DRAM2: variants seen among roughly 807,000 people sequenced by gnomAD.
DRAM2 encodes the protein DNA damage-regulated autophagy modulator protein 2.
In DRAM2, 26 loss-of-function variants were observed where a neutral mutation model predicts 33.5. The ratio of observed to expected loss-of-function variants is 0.78; its 90% CI spans 0.57 to 1.08. DRAM2 has a LOEUF of 1.08. Ranked by LOEUF, DRAM2 falls within the 50% of genes least tolerant of loss-of-function variation. DRAM2 has a pLI of 0.00. For synonymous variants in DRAM2, 98 were observed against 109.5 expected (o/e 0.89, Z 0.66); for missense variants, 311 against 318.1 (o/e 0.98, Z 0.17).
chr1:111,117,900 T>G lies in DRAM2; in HGVS notation c.*260A>C, dbSNP rs921246352. The G allele has an allele frequency of 2.2e-6, 1 of 449,052 alleles. No homozygotes were observed. The highest frequency in any genetic ancestry group is 2.0e-5 in the African/African-American group (1 of 49,448). 27.8% of individuals were successfully genotyped at this position (449,052 alleles called of 1,614,324 possible). A position where few individuals can be genotyped will look rare whatever the true frequency, so the allele number is the denominator to read the frequency against. The stretch of plus-strand genomic sequence containing the variant: ...TTCTCTTAAATAAGGTATAAAAAAC[T>G]ATGATATCATAGTCTTTTGACTTTA... On this transcript the variant is annotated 3_prime_UTR_variant, in exon 10 of 10. Transcript: ENST00000484310.
chr1:111,133,447 G>A (rs1396010932), intron 3 of DRAM2, among the ~76,000 whole-genome samples: 1 of 152,072 alleles, frequency 6.6e-6, no homozygotes, highest in Non-Finnish European at 1.5e-5. Context: ...CAAAGTGCTG[G>A]GATTATAGGC....
At chr1:111,129,892 T>C (rs1386494706) in intron 4 of DRAM2, among the ~76,000 whole-genome samples, 1 of 152,144 alleles carries the variant, frequency 6.6e-6, no homozygotes, top group African/African-American at 2.4e-5. Context: ...AACCAAACTC[T>C]GGAAGGAAAT....
chr1:111,122,871 T>A (rs759997353), intron 6 of DRAM2, among the ~76,000 whole-genome samples: 6 of 152,056 alleles, frequency 3.9e-5, no homozygotes, highest in Admixed American at 3.3e-4. Flanking sequence ...ATAAGTACTC[T>A]TGTGAAGGTA....
intron 8 of DRAM2, among the ~76,000 whole-genome samples, chr1:111,119,292 T>C (rs1649513131): frequency 6.6e-6 from 1 of 152,014 alleles, no homozygotes; most frequent in African/African-American, 2.4e-5. Context: ...TGGGTTACAA[T>C]TGGGAAAATC....
intron 3 of DRAM2, among the ~76,000 whole-genome samples, chr1:111,136,425 C>T (rs1459924186): frequency 6.6e-6 from 1 of 151,832 alleles, no homozygotes; most frequent in Non-Finnish European, 1.5e-5. Context: ...ATTAGCCAGG[C>T]ATGGTGGCGT....
chr1:111,128,901 T>C (rs957838953), intron 4 of DRAM2, among the ~76,000 whole-genome samples: 2 of 152,214 alleles, frequency 1.3e-5, no homozygotes, highest in Non-Finnish European at 2.9e-5. Flanking sequence ...GAATCTTAAA[T>C]ATGTACCTTC....
intron 7 of DRAM2, 126 bp from the exon 8 acceptor site, chr1:111,120,085 A>G (rs1649681061): frequency 1.3e-6 from 1 of 793,588 alleles, no homozygotes; most frequent in Non-Finnish European, 2.0e-6. Context: ...TAAAGACTTA[A>G]TGTTACACAG....
intron 4 of DRAM2, 90 bp from the exon 5 acceptor site, chr1:111,126,384 C>A: frequency 2.7e-6 from 2 of 727,988 alleles, no homozygotes; most frequent in South Asian, 3.5e-5. Flanking sequence ...GGAGTTAATT[C>A]AAACCTCTTA....
chr1:111,137,109 C>T (rs1011974141), intron 3 of DRAM2, among the ~76,000 whole-genome samples: 13 of 151,842 alleles, frequency 8.6e-5, no homozygotes, highest in Non-Finnish European at 1.5e-4. Context: ...AAAAATTAGC[C>T]GGGCGAGGTG....
Position 111,119,690 on chromosome 1 carries a change from C to G in DRAM2, c.600+187G>C, listed in dbSNP as rs1049396669. On this transcript the variant is annotated intron_variant, in intron 8 of 9. Coordinates refer to ENST00000484310, the MANE Select transcript of DRAM2 (RefSeq NM_001349884.2). ...TCATATTTTGACAATATCTACAGAT[C>G]ACAGGTGACAGGAGAATATGGAAGG... 1.2e-5 allele frequency: 7 copies of G among 575,710 alleles called. No individual in the cohort carries two copies. In the South Asian group the frequency reaches 1.4e-4, roughly 11 times the overall value. 35.7% of individuals were successfully genotyped at this position (575,710 alleles called of 1,614,324 possible). A position where few individuals can be genotyped will look rare whatever the true frequency, so the allele number is the denominator to read the frequency against.
chr1:111,128,942 A>G (rs1458465609), intron 4 of DRAM2, among the ~76,000 whole-genome samples: 5 of 152,226 alleles, frequency 3.3e-5, no homozygotes, highest in Admixed American at 3.3e-4. Flanking sequence ...GTGGCTCCTT[A>G]GGCTACATAT....
chr1:111,131,030 T>G (rs184585743), intron 4 of DRAM2, among the ~76,000 whole-genome samples: 57 of 152,028 alleles, frequency 3.7e-4, no homozygotes, highest in African/African-American at 1.3e-3. Flanking sequence ...AAAAGAAAAT[T>G]ACTTCGTACG....
intron 4 of DRAM2, among the ~76,000 whole-genome samples, chr1:111,129,280 A>C (rs1445475713): frequency 6.6e-6 from 1 of 152,240 alleles, no homozygotes; most frequent in Admixed American, 6.5e-5. Context: ...ATTACTCAAC[A>C]ATAGCAACAA....
chr1:111,132,058 T>C (rs1171532985), intron 3 of DRAM2, among the ~76,000 whole-genome samples: 1 of 152,208 alleles, frequency 6.6e-6, no homozygotes, highest in Non-Finnish European at 1.5e-5. Flanking sequence ...GCAGTCCATA[T>C]AGTTTTAGGA....
At chr1:111,119,746 T>C (rs1649597983) in intron 8 of DRAM2, 131 bp downstream of exon 8, 2 of 747,492 alleles carry the variant, frequency 2.7e-6, no homozygotes, top group Admixed American at 2.8e-5. Flanking sequence ...ATCAAGAAAA[T>C]AATTTTAATA....
Position 111,118,166 on chromosome 1 carries a change from A to G in DRAM2, c.795T>C (p.Asp265=), listed in dbSNP as rs781375668. 6.2e-6 allele frequency: 10 copies of G among 1,611,216 alleles called. No homozygotes were observed. In the East Asian group the frequency reaches 1.1e-4, roughly 18 times the overall value. The stretch of plus-strand genomic sequence containing the variant: ...GAAATATTTTATCCTTTCATCAAAT[A>G]TCTCTGGAAAGTAGCCGTGTTCGTT... The part of the protein sequence containing the change: ...NNERTRLLSR[D]I The change falls in exon 10 of 10, where the codon GAT becomes GAC. Residue 265 remains aspartate (D), a synonymous_variant. Coordinates refer to ENST00000484310, the MANE Select transcript of DRAM2 (RefSeq NM_001349884.2).
intron 3 of DRAM2, among the ~76,000 whole-genome samples, chr1:111,137,049 C>T (rs567106152): frequency 4.1e-5 from 6 of 147,592 alleles, no homozygotes; most frequent in Admixed American, 1.4e-4. Flanking sequence ...GTCAGGAGAT[C>T]GAGACCATCC....
intron 2 of DRAM2, chr1:111,139,067 T>A (rs1653925837): frequency 6.6e-6 from 1 of 152,204 alleles, no homozygotes; most frequent in African/African-American, 2.4e-5. Flanking sequence ...AATACTTACT[T>A]TTCTAAACTC....
At position 111,120,743 on chromosome 1, in the gene DRAM2, T is replaced by A. The variant is rs373354532; in HGVS notation, c.340-50A>T. On this transcript the variant is annotated intron_variant, in intron 6 of 9. Transcript: ENST00000484310. Reference sequence around the variant, plus strand: ...GTCAATAAAAGAAACTCAGAACACATTGGCAACACAACATTTAAAAGCACA... The same window carrying A: ...GTCAATAAAAGAAACTCAGAACACAATGGCAACACAACATTTAAAAGCACA... 2.7e-5 allele frequency: 39 copies of A among 1,418,860 alleles called. No individual in the cohort carries two copies. The South Asian group carries it at 6.2e-4, about 22-fold the overall frequency. 87.9% of individuals were successfully genotyped at this position (1,418,860 alleles called of 1,614,324 possible).
Sources: gnomAD v4.1 joint callset for allele counts (sites outside exome capture counted in the v4.1 genomes callset) on GRCh38, gnomAD v4.1.1 for gene constraint, MANE v1.5 for transcripts, NCBI Gene and HGNC (gene_info 2026-07-23, HGNC 2026-07-21) for gene names.